The following HFM1 variants were observed in gnomAD, a reference collection of about 807,000 sequenced individuals.
HFM1 encodes the protein probable ATP-dependent DNA helicase HFM1.
Under a neutral mutation model 192.1 loss-of-function variants are expected in HFM1, and 169 were observed. The observed-to-expected ratio is 0.88, with a 90% CI of 0.78 to 1.00. The LOEUF is 1.00. Among genes scored for constraint, HFM1 ranks in the 50% least tolerant of loss-of-function variants. The pLI, the probability that HFM1 is intolerant of heterozygous loss-of-function variation, is 0.00. For missense variants in HFM1, 1,661 were observed against 1,668.0 expected (o/e 1.00, Z 0.07); for synonymous variants, 525 against 537.8 (o/e 0.98, Z 0.33).
chr1:91,407,463 T>C (rs1452153925), upstream of HFM1, among the ~76,000 whole-genome samples: 1 of 152,240 alleles, frequency 6.6e-6, no homozygotes, highest in Admixed American at 6.5e-5. Flanking sequence ...AGTTTACCTA[T>C]CCTAAGTACT....
At chr1:91,274,633 G>A in intron 33 of HFM1, 97 bp downstream of exon 33, 1 of 571,158 alleles carries the variant, frequency 1.8e-6, no homozygotes, top group Non-Finnish European at 3.2e-6. Flanking sequence ...GTGACTTGAT[G>A]GTAGCCAGTG....
intron 4 of HFM1, among the ~76,000 whole-genome samples, chr1:91,389,537 T>G (rs1198855310): frequency 1.3e-5 from 2 of 152,016 alleles, no homozygotes; most frequent in Admixed American, 1.3e-4. Flanking sequence ...AAACATGAGC[T>G]CTCTCTGTTC....
intron 20 of HFM1, among the ~76,000 whole-genome samples, chr1:91,333,819 CAA>C (rs907604990): frequency 2.6e-5 from 4 of 152,060 alleles, no homozygotes; most frequent in African/African-American, 9.7e-5. Flanking sequence ...CCACCAGGCA[CAA>C]AAGACATACC....
At chr1:91,280,708 C>T (rs1251627495) in intron 30 of HFM1, among the ~76,000 whole-genome samples, 2 of 152,168 alleles carry the variant, frequency 1.3e-5, no homozygotes, top group Admixed American at 1.3e-4. Flanking sequence ...TAGCTGAAGC[C>T]TAGAGTTCAC....
intron 6 of HFM1, among the ~76,000 whole-genome samples, chr1:91,382,522 T>C (rs1419249171): frequency 6.6e-6 from 1 of 152,190 alleles, no homozygotes. Flanking sequence ...AAGCAGTTAA[T>C]TTATAAATCC....
At chr1:91,331,913 G>T (rs532612583) in intron 20 of HFM1, among the ~76,000 whole-genome samples, 1 of 151,330 alleles carries the variant, frequency 6.6e-6, no homozygotes, top group Admixed American at 6.6e-5. Context: ...AACAAACAAA[G>T]AAACACAAAA....
intron 30 of HFM1, among the ~76,000 whole-genome samples, chr1:91,280,874 T>C (rs746286750): frequency 6.6e-6 from 1 of 152,182 alleles, no homozygotes; most frequent in African/African-American, 2.4e-5. Flanking sequence ...TCCATTAGGG[T>C]GTCCTTACCA....
At chr1:91,276,243 A>G (rs975371200) in intron 32 of HFM1, among the ~76,000 whole-genome samples, 24 of 152,152 alleles carry the variant, frequency 1.6e-4, no homozygotes, top group Non-Finnish European at 3.2e-4. Flanking sequence ...TGGATTGAGT[A>G]CCTTTTCTGT....
At chr1:91,261,832 T>G in intron 38 of HFM1, 1 of 155,504 alleles carries the variant, frequency 6.4e-6, no homozygotes. Context: ...GGGGAACCCA[T>G]GAGATTTAAT....
At chr1:91,368,175 A>T (rs749117645) in intron 13 of HFM1, among the ~76,000 whole-genome samples, 3 of 152,238 alleles carry the variant, frequency 2.0e-5, no homozygotes, top group Non-Finnish European at 2.9e-5. Context: ...AACTCTCTGC[A>T]GGATATTATC....
chr1:91,277,841 A>G (rs1242952532), intron 30 of HFM1, among the ~76,000 whole-genome samples: 2 of 123,226 alleles, frequency 1.6e-5, no homozygotes, highest in African/African-American at 6.3e-5. Context: ...TATAATATAT[A>G]CTAATATATA....
At position 91,315,917 on chromosome 1, in the gene HFM1, TTTC is replaced by T; in HGVS notation, c.3035_3037del (p.Arg1012del). The T allele has an allele frequency of 6.2e-7, 1 of 1,602,064 alleles. No homozygotes were observed. On this transcript the variant is annotated inframe_deletion, in exon 28 of 39. Coordinates refer to ENST00000370425, the MANE Select transcript of HFM1 (RefSeq NM_001017975.6). ...TCTTTTAGTTTGTAGCTGTTCAAAA[TTTC>T]TTAATATAACAGTCACTAATATTTC...
chr1:91,377,196 T>G (rs912329766), intron 11 of HFM1, among the ~76,000 whole-genome samples: 9 of 151,882 alleles, frequency 5.9e-5, no homozygotes, highest in Non-Finnish European at 1.0e-4. Context: ...TAGGATTTAG[T>G]TTTGTTGTTG....
intron 30 of HFM1, among the ~76,000 whole-genome samples, chr1:91,291,431 C>A (rs1249434530): frequency 6.6e-6 from 1 of 152,160 alleles, no homozygotes; most frequent in Admixed American, 6.5e-5. Flanking sequence ...CACCTCTACG[C>A]AAATAAACTA....
rs1661481257 is a variant in HFM1 at position 91,380,922 on chromosome 1, G to A, written c.863C>T (p.Ala288Val). The change falls in exon 7 of 39, where the codon GCC (alanine) becomes GTC (valine). Residue 288 changes from alanine to valine, a missense_variant. Ala to Val is a moderately conservative substitution (Grantham distance 64, BLOSUM62 0). Transcript: ENST00000370425. Reference protein sequence around the residue: ...FPYFNYIQSKAFDDLLYTDRN... With the variant: ...FPYFNYIQSKVFDDLLYTDRN... ...AAATAAAATACTTACATCATCAAAG[G>A]CCTTGGACTGTATATAGTTGAAATA... The A allele has an allele frequency of 2.1e-6, 3 of 1,404,588 alleles. No individual in the cohort carries two copies. The highest frequency in any genetic ancestry group is 1.7e-5 in the Admixed American group (1 of 57,412). The allele number at this position is 1,404,588 out of a possible 1,614,324, so 87.0% of individuals were successfully genotyped here.
At position 91,328,332 on chromosome 1, in the gene HFM1, C is replaced by T. The variant is rs560208187; in HGVS notation, c.2336-3566G>A. 59 of 1,497,806 alleles carry T rather than the reference C, an allele frequency of 3.9e-5. No homozygotes were observed. In the East Asian group the frequency reaches 6.2e-4, roughly 16 times the overall value. The allele number at this position is 1,497,806 out of a possible 1,614,324, so 92.8% of individuals were successfully genotyped here. On this transcript the variant is annotated intron_variant, in intron 20 of 38. Transcript: ENST00000370425. ...GGGCAACCCTGAATCAAGCTTTAGCCGCCGAGGCCTCGTGTCCCAAAGGCC... is the reference window on the plus strand; with the variant it reads ...GGGCAACCCTGAATCAAGCTTTAGCTGCCGAGGCCTCGTGTCCCAAAGGCC...
At chr1:91,336,801 A>G (rs566503783) in intron 20 of HFM1, among the ~76,000 whole-genome samples, 2 of 152,340 alleles carry the variant, frequency 1.3e-5, no homozygotes, top group African/African-American at 4.8e-5. Flanking sequence ...CTGCAGCACT[A>G]TTCACAATAT....
At chr1:91,290,029 T>C (rs1214772803) in intron 30 of HFM1, among the ~76,000 whole-genome samples, 4 of 152,114 alleles carry the variant, frequency 2.6e-5, no homozygotes, top group African/African-American at 9.6e-5. Flanking sequence ...AGGCCTGCCC[T>C]AAAAGAGCTC....
intron 2 of HFM1, among the ~76,000 whole-genome samples, chr1:91,396,719 C>A (rs576136605): frequency 2.6e-4 from 39 of 152,324 alleles, no homozygotes; most frequent in African/African-American, 8.9e-4. Flanking sequence ...AAATCATTCT[C>A]AAACTTTAGC....
Sources: allele counts gnomAD v4.1 joint callset (sites outside exome capture counted in the v4.1 genomes callset), GRCh38; gene constraint gnomAD v4.1.1; transcripts MANE v1.5; gene names NCBI Gene and HGNC (gene_info 2026-07-23, HGNC 2026-07-21).